The following FHIT variants were observed in gnomAD, a reference collection of about 807,000 sequenced individuals.
The protein encoded by FHIT is bis(5'-adenosyl)-triphosphatase.
Under a neutral mutation model 17.9 loss-of-function variants are expected in FHIT, and 19 were observed. The observed-to-expected ratio is 1.06, with a 90% CI of 0.74 to 1.56. The LOEUF (loss-of-function observed/expected upper bound fraction) is 1.56. FHIT is among the 40% of genes most tolerant of loss of function. The probability of loss-of-function intolerance (pLI) is 0.00; values close to 1 mark genes in which losing one functional copy is unlikely to be tolerated. For synonymous variants in FHIT, 81 were observed against 69.7 expected (o/e 1.16, Z -0.81); for missense variants, 248 against 189.2 (o/e 1.31, Z -1.82).
intron 8 of FHIT, among the ~76,000 whole-genome samples, chr3:59,913,450 A>C (rs1396000465): frequency 3.9e-5 from 6 of 152,190 alleles, no homozygotes; most frequent in Admixed American, 3.9e-4. Context: ...TGAGGTTTTG[A>C]CATAGATATT....
intron 4 of FHIT, among the ~76,000 whole-genome samples, chr3:60,790,683 G>T (rs1417881385): frequency 1.3e-5 from 2 of 152,120 alleles, no homozygotes; most frequent in African/African-American, 4.8e-5. Flanking sequence ...TGGAGCAGGG[G>T]CATTTTTAGG....
chr3:60,225,234 G>A (rs1034302772), intron 5 of FHIT, among the ~76,000 whole-genome samples: 6 of 152,140 alleles, frequency 3.9e-5, no homozygotes, highest in Non-Finnish European at 2.9e-5. Flanking sequence ...TGTATCCCTA[G>A]ATACCTGATT....
Position 60,673,063 on chromosome 3 carries a change from T to A in FHIT, c.-17-136084A>T, listed in dbSNP as rs556916415. Reference sequence around the variant, plus strand: ...TGTTTTACTTCTATTTGCATTATAATCCTTTCAATACATTGTCATGAGTTT... The same window carrying A: ...TGTTTTACTTCTATTTGCATTATAAACCTTTCAATACATTGTCATGAGTTT... On this transcript the variant is annotated intron_variant, in intron 4 of 9. Coordinates refer to ENST00000492590, the MANE Select transcript of FHIT (RefSeq NM_002012.4). 1.8e-4 allele frequency among the ~76,000 whole-genome samples: 27 copies of A among 152,284 alleles called. No individual in the cohort carries two copies. In the South Asian group the frequency reaches 4.6e-3, roughly 26 times the overall value.
chr3:60,371,331 A>G (rs1700317921), intron 5 of FHIT, among the ~76,000 whole-genome samples: 1 of 152,036 alleles, frequency 6.6e-6, no homozygotes, highest in South Asian at 2.1e-4. Flanking sequence ...TTTTTATGCT[A>G]CAACCATTTT....
intron 2 of FHIT, among the ~76,000 whole-genome samples, chr3:61,126,040 A>G (rs1178692481): frequency 6.6e-6 from 1 of 152,168 alleles, no homozygotes. Flanking sequence ...TGTCTTCAAC[A>G]GTGTGGAGCT....
intron 5 of FHIT, among the ~76,000 whole-genome samples, chr3:60,209,164 A>T (rs1426373733): frequency 1.3e-5 from 2 of 152,206 alleles, no homozygotes; most frequent in African/African-American, 4.8e-5. Flanking sequence ...CCTAGTGATT[A>T]ACATATTTTT....
chr3:60,323,483 G>A (rs1472646769), intron 5 of FHIT, among the ~76,000 whole-genome samples: 4 of 152,156 alleles, frequency 2.6e-5, no homozygotes, highest in African/African-American at 9.7e-5. Context: ...GAAGCCCAGG[G>A]AGGTCATACA....
intron 3 of FHIT, among the ~76,000 whole-genome samples, chr3:60,926,744 C>A (rs1290960337): frequency 6.6e-6 from 1 of 152,042 alleles, no homozygotes; most frequent in African/African-American, 2.4e-5. Context: ...AAAAACCCTT[C>A]AAAAAATCAA....
chr3:60,125,876 G>A (rs550502534), intron 5 of FHIT, among the ~76,000 whole-genome samples: 4 of 152,224 alleles, frequency 2.6e-5, no homozygotes, highest in South Asian at 2.1e-4. Context: ...CCCATGACAC[G>A]TGTTATTCAT....
At chr3:60,533,122 G>T (rs992999355) in intron 5 of FHIT, among the ~76,000 whole-genome samples, 7 of 151,908 alleles carry the variant, frequency 4.6e-5, no homozygotes, top group Non-Finnish European at 8.8e-5. Flanking sequence ...ACTGCTTTTA[G>T]ATTTAACTCC....
At chr3:60,921,978 A>G (rs556042305) in intron 3 of FHIT, among the ~76,000 whole-genome samples, 1 of 152,222 alleles carries the variant, frequency 6.6e-6, no homozygotes, top group South Asian at 2.1e-4. Flanking sequence ...CTTGAAAGCT[A>G]AACAGAGAGA....
At chr3:60,721,979 A>G (rs1262049394) in intron 4 of FHIT, among the ~76,000 whole-genome samples, 1 of 152,188 alleles carries the variant, frequency 6.6e-6, no homozygotes. Flanking sequence ...TAGGAGCTGG[A>G]GAGCACCAAA....
chr3:60,671,561 A>AT (rs2040504873), intron 4 of FHIT, among the ~76,000 whole-genome samples: 1 of 152,084 alleles, frequency 6.6e-6, no homozygotes, highest in Non-Finnish European at 1.5e-5. Flanking sequence ...TATACGTTTA[A>AT]TTTTTTCATA....
At chr3:60,643,023 C>A (rs1016270880) in intron 4 of FHIT, among the ~76,000 whole-genome samples, 1 of 152,176 alleles carries the variant, frequency 6.6e-6, no homozygotes, top group African/African-American at 2.4e-5. Flanking sequence ...TTGTCTATCT[C>A]CCCAGCTGAA....
At chr3:60,798,454 A>C (rs1553731135) in intron 4 of FHIT, among the ~76,000 whole-genome samples, 1 of 152,232 alleles carries the variant, frequency 6.6e-6, no homozygotes, top group East Asian at 1.9e-4. Context: ...CTAGGGCTTC[A>C]CCTATACATT....
chr3:60,512,998 A>G (rs752371974), intron 5 of FHIT, among the ~76,000 whole-genome samples: 1 of 152,240 alleles, frequency 6.6e-6, no homozygotes, highest in Non-Finnish European at 1.5e-5. Flanking sequence ...AAATCTGAAT[A>G]TGGAAAATAT....
chr3:60,466,079 G>C (rs1173642737), intron 5 of FHIT, among the ~76,000 whole-genome samples: 2 of 151,866 alleles, frequency 1.3e-5, no homozygotes. Context: ...ATGTTTTATA[G>C]ATTTCACTGT....
chr3:59,751,091 TA>T (rs1325232691), intron 9 of FHIT: 7 of 169,128 alleles, frequency 4.1e-5, no homozygotes, highest in African/African-American at 2.1e-4. Context: ...GGGAGTTTAT[TA>T]ACAGGTTTGC....
intron 3 of FHIT, among the ~76,000 whole-genome samples, chr3:60,824,345 T>C (rs1331067856): frequency 1.3e-5 from 2 of 152,082 alleles, no homozygotes; most frequent in Non-Finnish European, 2.9e-5. Context: ...TGATAGTACA[T>C]AGAATTAAAT....
Sources: allele counts gnomAD v4.1 joint callset (sites outside exome capture counted in the v4.1 genomes callset), GRCh38; gene constraint gnomAD v4.1.1; transcripts MANE v1.5; gene names NCBI Gene and HGNC (gene_info 2026-07-23, HGNC 2026-07-21).